Variants in ADAM22 observed in about 807,000 individuals in gnomAD.
ADAM22 encodes disintegrin and metalloproteinase domain-containing protein 22.
In ADAM22, 65 loss-of-function variants were observed where a neutral mutation model predicts 144.6. The observed-to-expected ratio is 0.45, with a 90% confidence interval of 0.37 to 0.55. ADAM22 has a LOEUF of 0.55. ADAM22 is among the 20% of genes least tolerant of loss of function. The pLI is 0.00. For synonymous variants in ADAM22, 391 were observed against 412.6 expected (o/e 0.95, Z 0.63); for missense variants, 974 against 1,184.9 (o/e 0.82, Z 2.61).
intron 3 of ADAM22, among the ~76,000 whole-genome samples, chr7:88,030,353 G>T (rs1261877989): frequency 6.6e-6 from 1 of 152,054 alleles, no homozygotes; most frequent in African/African-American, 2.4e-5. Flanking sequence ...TTTGTTAAAT[G>T]TATCTGATAG....
At chr7:88,106,303 G>A (rs943029513) in intron 4 of ADAM22, among the ~76,000 whole-genome samples, 1 of 152,148 alleles carries the variant, frequency 6.6e-6, no homozygotes, top group Non-Finnish European at 1.5e-5. Flanking sequence ...TAAGGTCCAG[G>A]ATTGCATTGT....
At chr7:88,057,212 G>A (rs756995833) in intron 3 of ADAM22, among the ~76,000 whole-genome samples, 6 of 150,656 alleles carry the variant, frequency 4.0e-5, no homozygotes, top group Admixed American at 6.6e-5. Context: ...CTCCTGTATT[G>A]GCCTCCCAAA....
rs1055077386 is a variant in ADAM22, at chr7:88,126,013, C to T, written c.678+354C>T. ...ATGGTTTATATCCTTGTATTTATTC[C>T]CTGGAAGATAACCCCTTAGGAATGA... On this transcript the variant is annotated intron_variant, in intron 8 of 31. Coordinates refer to ENST00000413139, the MANE Select transcript of ADAM22 (RefSeq NM_001324418.2). Among the ~76,000 whole-genome samples, 78 of 151,936 alleles carry T rather than the reference C, an allele frequency of 5.1e-4. 1 individual carries two copies. The highest frequency in any genetic ancestry group is 1.8e-3 in the African/African-American group (74 of 41,472).
chr7:88,144,056 A>G (rs1017054635), intron 15 of ADAM22, among the ~76,000 whole-genome samples: 2 of 152,210 alleles, frequency 1.3e-5, no homozygotes, highest in Admixed American at 1.3e-4. Context: ...TTTATTTGTT[A>G]TGATCAGTTT....
chr7:88,012,672 G>T (rs1795704841), intron 3 of ADAM22, among the ~76,000 whole-genome samples: 1 of 152,142 alleles, frequency 6.6e-6, no homozygotes, highest in South Asian at 2.1e-4. Context: ...CTAGAGCCCT[G>T]TTCATGTGCT....
intron 7 of ADAM22, among the ~76,000 whole-genome samples, chr7:88,122,639 C>A (rs978971182): frequency 4.6e-5 from 7 of 152,144 alleles, no homozygotes; most frequent in African/African-American, 1.7e-4. Flanking sequence ...GGTGTAATTT[C>A]TCTTAGTCCT....
At chr7:88,194,099 C>A (rs1396824019) in intron 31 of ADAM22, among the ~76,000 whole-genome samples, 1 of 152,182 alleles carries the variant, frequency 6.6e-6, no homozygotes, top group Non-Finnish European at 1.5e-5. Flanking sequence ...TTGATAGATA[C>A]CTAGTTGTTC....
intron 3 of ADAM22, among the ~76,000 whole-genome samples, chr7:88,062,932 A>T (rs1299589655): frequency 6.6e-6 from 1 of 152,210 alleles, no homozygotes; most frequent in East Asian, 1.9e-4. Context: ...TCGCTCTCTT[A>T]TATGGGTTTG....
intron 2 of ADAM22, among the ~76,000 whole-genome samples, chr7:87,971,706 G>T (rs974572441): frequency 6.6e-6 from 1 of 152,092 alleles, no homozygotes; most frequent in Non-Finnish European, 1.5e-5. Flanking sequence ...CCCACCAAAG[G>T]AAATTCTTGG....
chr7:88,181,650 C>A, intron 28 of ADAM22, 45 bp downstream of exon 28: 1 of 1,525,788 alleles, frequency 6.6e-7, no homozygotes, highest in Non-Finnish European at 9.0e-7. Context: ...TAATCAAGTT[C>A]TATATTCTGT....
intron 3 of ADAM22, among the ~76,000 whole-genome samples, chr7:88,050,797 C>A (rs1254979821): frequency 6.6e-6 from 1 of 152,148 alleles, no homozygotes; most frequent in Non-Finnish European, 1.5e-5. Context: ...AATTTTCTCC[C>A]ATTCTGTAGG....
rs1425573248 is a variant in ADAM22 at position 88,050,451 on chromosome 7, C to T, written c.324-25175C>T. Among the ~76,000 whole-genome samples the T allele has an allele frequency of 3.4e-5, 5 of 147,474 alleles. No individual in the cohort carries two copies. The Admixed American group carries it at 3.4e-4, about 10-fold the overall frequency. On this transcript the variant is annotated intron_variant, in intron 3 of 31. Coordinates refer to ENST00000413139, the MANE Select transcript of ADAM22 (RefSeq NM_001324418.2). ...TTATACCAGAGAAAATGAGAAAATG[C>T]CCAGAGTCAGTCTTAGTGATTTCAG...
chr7:88,102,385 G>T (rs1823163118), intron 4 of ADAM22, among the ~76,000 whole-genome samples: 1 of 152,056 alleles, frequency 6.6e-6, no homozygotes, highest in Non-Finnish European at 1.5e-5. Flanking sequence ...GTCAGTTCTG[G>T]GAACTGCTAT....
At chr7:87,991,046 T>A (rs1016900445) in intron 3 of ADAM22, among the ~76,000 whole-genome samples, 1 of 152,324 alleles carries the variant, frequency 6.6e-6, no homozygotes, top group Middle Eastern at 3.4e-3. Context: ...ATTTCAATCA[T>A]TTTTCTTTGT....
At chr7:88,067,200 C>A (rs1276780405) in intron 3 of ADAM22, among the ~76,000 whole-genome samples, 2 of 150,264 alleles carry the variant, frequency 1.3e-5, no homozygotes, top group South Asian at 2.1e-4. Context: ...ACCAGGGACT[C>A]ATTTGAATTG....
At chr7:88,183,831 T>TAC (rs140423576) in intron 29 of ADAM22, among the ~76,000 whole-genome samples, 22,427 of 147,782 alleles carry the variant, frequency 0.15, 3,071 homozygotes, top group African/African-American at 0.37. Context: ...CATGTATATA[T>TAC]ACATATATAT....
chr7:87,979,546 CA>C (rs1398175639), intron 3 of ADAM22, among the ~76,000 whole-genome samples: 8 of 152,132 alleles, frequency 5.3e-5, no homozygotes, highest in Admixed American at 1.3e-4. Context: ...TTTTATAGGT[CA>C]AAAAAGTTTG....
chr7:88,153,107 T>C (rs1317875517), intron 20 of ADAM22, 114 bp from the exon 21 acceptor site: 1 of 621,114 alleles, frequency 1.6e-6, no homozygotes. Flanking sequence ...ATTTTTGGAA[T>C]TGATAACACT....
At chr7:87,980,071 T>G (rs1354088398) in intron 3 of ADAM22, among the ~76,000 whole-genome samples, 1 of 152,186 alleles carries the variant, frequency 6.6e-6, no homozygotes, top group African/African-American at 2.4e-5. Context: ...CCAAAGACTT[T>G]CTTTTCCTGA....
Sources: allele counts gnomAD v4.1 joint callset (sites outside exome capture counted in the v4.1 genomes callset), GRCh38; gene constraint gnomAD v4.1.1; transcripts MANE v1.5; gene names NCBI Gene and HGNC (gene_info 2026-07-23, HGNC 2026-07-21).